The following CADM2 variants were observed in gnomAD, a reference collection of about 807,000 sequenced individuals.
The protein encoded by CADM2 is immunoglobulin superfamily member 4D.
Under a neutral mutation model 49.8 loss-of-function variants are expected in CADM2, and 12 were observed. That is an observed-to-expected ratio of 0.24 (90% CI 0.15 to 0.39). CADM2 has a LOEUF of 0.39. Among genes scored for constraint, CADM2 ranks in the 10% least tolerant of loss-of-function variants. CADM2 has a pLI of 1.00. For missense variants in CADM2, 378 were observed against 492.3 expected, an observed-to-expected ratio of 0.77 and a Z score of 2.20; for synonymous variants, 214 against 175.4, an observed-to-expected ratio of 1.22 and a Z score of -1.74.
chr3:85,821,810 T>C (rs905125761), intron 3 of CADM2, among the ~76,000 whole-genome samples: 2 of 152,192 alleles, frequency 1.3e-5, no homozygotes. Context: ...AATGAATTAC[T>C]ATAAAACAAA....
At chr3:85,906,365 C>T (rs933506352) in intron 5 of CADM2, among the ~76,000 whole-genome samples, 1 of 152,016 alleles carries the variant, frequency 6.6e-6, no homozygotes, top group Non-Finnish European at 1.5e-5. Context: ...TCTGGGTAAA[C>T]TGAAAAAGAG....
At chr3:85,893,947 C>A (rs759362635) in intron 5 of CADM2, among the ~76,000 whole-genome samples, 94 of 152,186 alleles carry the variant, frequency 6.2e-4, no homozygotes, top group Non-Finnish European at 7.6e-4. Context: ...GGCGATTCCT[C>A]AGGGATCTAG....
At chr3:85,748,110 T>C (rs2068693779) in intron 2 of CADM2, among the ~76,000 whole-genome samples, 1 of 152,068 alleles carries the variant, frequency 6.6e-6, no homozygotes, top group South Asian at 2.1e-4. Context: ...AATTGAGAAC[T>C]TTTCCCCCTG....
intron 1 of CADM2, among the ~76,000 whole-genome samples, chr3:85,127,847 A>AT (rs1323711133): frequency 6.6e-6 from 1 of 152,114 alleles, no homozygotes; most frequent in African/African-American, 2.4e-5. Flanking sequence ...ATTGCCCTTG[A>AT]TTTTTTAGAC....
intron 1 of CADM2, among the ~76,000 whole-genome samples, chr3:85,488,587 A>C (rs1332303155): frequency 6.6e-6 from 1 of 151,976 alleles, no homozygotes; most frequent in African/African-American, 2.4e-5. Flanking sequence ...GCTGGAGTGC[A>C]ATGGTGCAAT....
chr3:85,664,757 A>G (rs1202649966), intron 1 of CADM2, among the ~76,000 whole-genome samples: 1 of 151,958 alleles, frequency 6.6e-6, no homozygotes, highest in Admixed American at 6.6e-5. Flanking sequence ...CTTAGATCAG[A>G]CATTTGCTGT....
intron 1 of CADM2, among the ~76,000 whole-genome samples, chr3:85,038,682 C>T (rs2035316705): frequency 6.6e-6 from 1 of 152,168 alleles, no homozygotes; most frequent in South Asian, 2.1e-4. Flanking sequence ...GTTATTTAAA[C>T]ATTTTAAGCT....
intron 1 of CADM2, among the ~76,000 whole-genome samples, chr3:85,597,650 A>G (rs2063282209): frequency 6.6e-6 from 1 of 152,118 alleles, no homozygotes; most frequent in Admixed American, 6.6e-5. Flanking sequence ...AAGGTAATCA[A>G]GCTGTTAGAA....
chr3:85,469,960 C>T (rs1273198114), intron 1 of CADM2, among the ~76,000 whole-genome samples: 1 of 152,030 alleles, frequency 6.6e-6, no homozygotes, highest in Non-Finnish European at 1.5e-5. Context: ...AGGAAAATAG[C>T]GTTTTTGGAA....
At chr3:85,806,974 T>G (rs1358044248) in intron 3 of CADM2, among the ~76,000 whole-genome samples, 1 of 152,178 alleles carries the variant, frequency 6.6e-6, no homozygotes, top group Non-Finnish European at 1.5e-5. Context: ...AAATAAGACC[T>G]AACAATCAAG....
At chr3:85,770,642 T>G (rs2070034632) in intron 2 of CADM2, among the ~76,000 whole-genome samples, 1 of 152,100 alleles carries the variant, frequency 6.6e-6, no homozygotes. Flanking sequence ...GAAGATTGCT[T>G]TTTGATTTTG....
At chr3:85,962,320 A>G (rs1486148438) in intron 8 of CADM2, among the ~76,000 whole-genome samples, 1 of 152,006 alleles carries the variant, frequency 6.6e-6, no homozygotes, top group East Asian at 1.9e-4. Context: ...TCATAAACAT[A>G]TACTTTATAA....
chr3:85,640,144 C>T (rs1313597561), intron 1 of CADM2, among the ~76,000 whole-genome samples: 1 of 152,156 alleles, frequency 6.6e-6, no homozygotes, highest in Non-Finnish European at 1.5e-5. Context: ...TGTCATAGTA[C>T]CTTGTGCATT....
intron 5 of CADM2, among the ~76,000 whole-genome samples, chr3:85,886,782 GTTAA>G (rs2108403133): frequency 6.6e-6 from 1 of 152,146 alleles, no homozygotes; most frequent in South Asian, 2.1e-4. Context: ...TTTGATTCCT[GTTAA>G]TTCTCACAAA....
chr3:85,413,669 C>T (rs1267434918), intron 1 of CADM2, among the ~76,000 whole-genome samples: 1 of 152,126 alleles, frequency 6.6e-6, no homozygotes, highest in Non-Finnish European at 1.5e-5. Context: ...TGTGAGTACT[C>T]ACACACTATC....
In CADM2 at chr3:85,325,634, G is replaced by C. The variant is rs573723810; in HGVS notation, c.61+365966G>C. Reference sequence around the variant, plus strand: ...GAACCTGGGAGGCGGAGGTTGCAGTGAGTTGAGATTGTGCCATTGCACTCC... The same window carrying C: ...GAACCTGGGAGGCGGAGGTTGCAGTCAGTTGAGATTGTGCCATTGCACTCC... On this transcript the variant is annotated intron_variant, in intron 1 of 9. Coordinates refer to ENST00000383699, the MANE Select transcript of CADM2 (RefSeq NM_001167675.2). 1.2e-4 allele frequency among the ~76,000 whole-genome samples: 18 copies of C among 148,426 alleles called. No individual in the cohort carries two copies. In the East Asian group the frequency reaches 3.6e-3, roughly 30 times the overall value.
At position 85,754,315 on chromosome 3, in the gene CADM2, A is replaced by C. The variant is rs56787903; in HGVS notation, c.88+27767A>C. Among the ~76,000 whole-genome samples the C allele has an allele frequency of 2.0e-5, 3 of 152,152 alleles. No homozygotes were observed. The South Asian group carries it at 6.2e-4, about 32-fold the overall frequency. ...CAGGTGCAACCAATTATTCTTTTAGACAGTGAAACAACCACCTGACCATCA... is the reference window on the plus strand; with the variant it reads ...CAGGTGCAACCAATTATTCTTTTAGCCAGTGAAACAACCACCTGACCATCA... On this transcript the variant is annotated intron_variant, in intron 2 of 9. Coordinates refer to ENST00000383699, the MANE Select transcript of CADM2 (RefSeq NM_001167675.2).
In CADM2 at chr3:85,150,939, A is replaced by AATC. The variant is rs2039903438; in HGVS notation, c.61+191273_61+191274insCAT. The stretch of plus-strand genomic sequence containing the variant: ...AATAAAAATAAATAATAATAATAAT[A>AATC]ATAATAATAATAATAATTGGATGGC... On this transcript the variant is annotated intron_variant, in intron 1 of 9. Coordinates refer to ENST00000383699, the MANE Select transcript of CADM2 (RefSeq NM_001167675.2). 2.7e-5 allele frequency among the ~76,000 whole-genome samples: 4 copies of AATC among 149,254 alleles called. No homozygotes were observed. The Admixed American group carries it at 2.7e-4, about 10-fold the overall frequency.
intron 7 of CADM2, among the ~76,000 whole-genome samples, chr3:85,953,989 C>G (rs922070331): frequency 6.6e-6 from 1 of 150,740 alleles, no homozygotes; most frequent in Non-Finnish European, 1.5e-5. Context: ...TGTATAAAGA[C>G]TATCAGACAC....
Sources: allele counts gnomAD v4.1 joint callset (sites outside exome capture counted in the v4.1 genomes callset), GRCh38; gene constraint gnomAD v4.1.1; transcripts MANE v1.5; gene names NCBI Gene and HGNC (gene_info 2026-07-23, HGNC 2026-07-21).